Variants in SLC34A2 observed in about 807,000 individuals in gnomAD.
SLC34A2 encodes sodium-dependent phosphate transport protein 2B.
SLC34A2 carries 41 observed loss-of-function variants against 50.8 expected under a neutral mutation model. The ratio of observed to expected loss-of-function variants is 0.81; its 90% CI spans 0.63 to 1.05. The LOEUF (loss-of-function observed/expected upper bound fraction) is 1.05, where lower values mean the gene tolerates loss of function less well. Among genes scored for constraint, SLC34A2 ranks in the 50% least tolerant of loss-of-function variants. The pLI, the probability that SLC34A2 is intolerant of heterozygous loss-of-function variation, is 0.00. For synonymous variants in SLC34A2, 401 were observed against 364.2 expected, an observed-to-expected ratio of 1.10 and a Z score of -1.15; for missense variants, 879 against 876.7, an observed-to-expected ratio of 1.00 and a Z score of -0.03.
At chr4:25,675,507 A>G (rs1171123174) in intron 12 of SLC34A2, among the ~76,000 whole-genome samples, 2 of 152,270 alleles carry the variant, frequency 1.3e-5, no homozygotes, top group African/African-American at 4.8e-5. Flanking sequence ...AAATTCAGGC[A>G]TCTAATATAA....
intron 1 of SLC34A2, 88 bp from the exon 2 acceptor site, chr4:25,662,410 G>A: frequency 8.1e-7 from 1 of 1,228,982 alleles, no homozygotes. Flanking sequence ...CCCAGTTGAT[G>A]CTTTGCAACC....
chr4:25,661,937 A>G (rs1232999315), intron 1 of SLC34A2, among the ~76,000 whole-genome samples: 1 of 151,514 alleles, frequency 6.6e-6, no homozygotes, highest in African/African-American at 2.4e-5. Context: ...CAATGGCACA[A>G]TCTCAGCTCA....
At chr4:25,670,124 A>C (rs1389452827) in intron 7 of SLC34A2, among the ~76,000 whole-genome samples, 1 of 152,212 alleles carries the variant, frequency 6.6e-6, no homozygotes, top group Non-Finnish European at 1.5e-5. Context: ...GTGGGGGCTG[A>C]GAAAGGAGGA....
chr4:25,673,915 C>A (rs185099666), intron 10 of SLC34A2, among the ~76,000 whole-genome samples: 1 of 152,246 alleles, frequency 6.6e-6, no homozygotes, highest in African/African-American at 2.4e-5. Flanking sequence ...GCTACAGTTT[C>A]TTGATGCTCT....
At chr4:25,668,075 A>G in intron 6 of SLC34A2, 84 bp downstream of exon 6, 1 of 854,960 alleles carries the variant, frequency 1.2e-6, no homozygotes. Context: ...CCAGCCAAAG[A>G]TGACATGCTT....
rs2109048626 is a variant in SLC34A2 at position 25,662,743 on chromosome 4, C to T, written c.151C>T (p.Leu51=). The part of the protein sequence containing the change: ...TEAPVTKIEL[L]PSYSTATLID... ...GGCACCTGTAACCAAGATTGAACTTCTGCCGTCCTACTCCACGGCTACACT... is the reference window on the plus strand; with the variant it reads ...GGCACCTGTAACCAAGATTGAACTTTTGCCGTCCTACTCCACGGCTACACT... Residue 51 remains leucine, a synonymous_variant, in exon 3 of 13, where the codon CTG becomes TTG. Coordinates refer to ENST00000382051, the MANE Select transcript of SLC34A2 (RefSeq NM_006424.3). 2 of 1,614,164 alleles carry T rather than the reference C, an allele frequency of 1.2e-6. No homozygotes were observed. The highest frequency in any genetic ancestry group is 1.1e-5 in the South Asian group (1 of 91,086).
At position 25,666,160 on chromosome 4, in the gene SLC34A2, T is replaced by C; in HGVS notation, c.412T>C (p.Ser138Pro). 3.1e-6 allele frequency: 5 copies of C among 1,613,960 alleles called. No individual in the cohort carries two copies. The highest frequency in any genetic ancestry group is 4.2e-6 in the Non-Finnish European group (5 of 1,180,030). The change falls in exon 5 of 13, where the codon TCT becomes CCT. Residue 138 changes from serine (S) to proline (P), a missense_variant. Transcript: ENST00000382051. ...GGCAGGACAGTTCTTCAGCAACAGC[T>C]CTATTATGTCCAACCCTTTGTTGGG... ...KMAGQFFSNS[S>P]IMSNPLLGLV... is the part of the protein sequence containing the mutation.
intron 6 of SLC34A2, among the ~76,000 whole-genome samples, chr4:25,668,812 G>A (rs1181490554): frequency 6.6e-6 from 1 of 151,090 alleles, no homozygotes; most frequent in Non-Finnish European, 1.5e-5. Flanking sequence ...TGAAACTAGA[G>A]CAGGTAGAAT....
chr4:25,676,643 A>T lies in SLC34A2; in HGVS notation c.1967A>T (p.Asp656Val). 1 of 1,614,160 alleles carries T rather than the reference A, an allele frequency of 6.2e-7. No individual in the cohort carries two copies. The highest frequency in any genetic ancestry group is 1.3e-5 in the African/African-American group (1 of 75,058). Reference sequence around the variant, plus strand: ...TTGGAGGAGGCGCAGGAGGGGCAGGATGTCCCTGTCAAGGCTCCTGAGACC... The same window carrying T: ...TTGGAGGAGGCGCAGGAGGGGCAGGTTGTCCCTGTCAAGGCTCCTGAGACC... ...EDLEEAQEGQ[D>V]VPVKAPETFD... Residue 656 changes from aspartate (D) to valine (V), a missense_variant, in exon 13 of 13, where the codon GAT becomes GTT. By Grantham distance (152) the Asp-to-Val change is radical (BLOSUM62 -3). Coordinates refer to ENST00000382051, the MANE Select transcript of SLC34A2 (RefSeq NM_006424.3).
intron 9 of SLC34A2, among the ~76,000 whole-genome samples, chr4:25,672,440 GATT>G (rs1714868427): frequency 6.6e-6 from 1 of 152,150 alleles, no homozygotes; most frequent in Admixed American, 6.5e-5. Context: ...ATGATGCTCT[GATT>G]ATTAAGAAGC....
chr4:25,658,739 C>T (rs987497378), intron 1 of SLC34A2, among the ~76,000 whole-genome samples: 1 of 152,202 alleles, frequency 6.6e-6, no homozygotes, highest in African/African-American at 2.4e-5. Context: ...TTCTCCCTTC[C>T]TCTGCTGCTT....
chr4:25,668,070 C>T, intron 6 of SLC34A2, 79 bp downstream of exon 6: 1 of 869,814 alleles, frequency 1.1e-6, no homozygotes, highest in South Asian at 1.4e-5. Flanking sequence ...TTTAACCAGC[C>T]AAAGATGACA....
At chr4:25,676,110 A>T in intron 12 of SLC34A2, 25 bp from the exon 13 acceptor site, 1 of 1,613,162 alleles carries the variant, frequency 6.2e-7, no homozygotes, top group Non-Finnish European at 8.5e-7. Flanking sequence ...CAGGCCCCTC[A>T]CCTGTCCAAC....
chr4:25,661,855 G>A (rs1714201936), intron 1 of SLC34A2, among the ~76,000 whole-genome samples: 1 of 151,836 alleles, frequency 6.6e-6, no homozygotes, highest in Admixed American at 6.6e-5. Context: ...AGATGAATGG[G>A]CTTGCACCCT....
intron 10 of SLC34A2, 30 bp from the exon 11 acceptor site, chr4:25,674,266 G>T: frequency 6.3e-7 from 1 of 1,578,376 alleles, no homozygotes; most frequent in Non-Finnish European, 8.7e-7. Flanking sequence ...CCCCGGAGAG[G>T]CCATGACATC....
Position 25,677,922 on chromosome 4 carries a change from CTG to C in SLC34A2, c.*1175_*1176del, listed in dbSNP as rs1466493079. On this transcript the variant is annotated 3_prime_UTR_variant, in exon 13 of 13. Coordinates refer to ENST00000382051, the MANE Select transcript of SLC34A2 (RefSeq NM_006424.3). ...CAAAGCTCCAGATTTTTGGGGAAAGCTGTACCCAACTGGACTGCCCAGTGAAC... is the reference window on the plus strand; with the variant it reads ...CAAAGCTCCAGATTTTTGGGGAAAGCTACCCAACTGGACTGCCCAGTGAAC... The C allele has an allele frequency of 2.0e-5, 3 of 152,252 alleles. No homozygotes were observed. The highest frequency in any genetic ancestry group is 7.2e-5 in the African/African-American group (3 of 41,460). The allele number at this position is 152,252 out of a possible 1,614,324, so 9.4% of individuals were successfully genotyped here.
Position 25,674,357 on chromosome 4 carries a change from G to C in SLC34A2, c.1278G>C (p.Met426Ile). 1.2e-6 allele frequency: 2 copies of C among 1,614,164 alleles called. No individual in the cohort carries two copies. Among genetic ancestry groups the C allele is most frequent in the Non-Finnish European group, 1.7e-6 (2 of 1,180,038 alleles). The stretch of plus-strand genomic sequence containing the variant: ...TGGCCATCCTCGTCGGGGCAGGCAT[G>C]ACCTTCATCGTACAGAGCAGCTCTG... ...GYLAILVGAG[M>I]TFIVQSSSVF... Residue 426 changes from methionine (M) to isoleucine (I), a missense_variant, in exon 11 of 13, where the codon ATG becomes ATC. By Grantham distance (10) the Met-to-Ile change is conservative. Transcript: ENST00000382051.
rs140514938 is a variant in SLC34A2, at chr4:25,676,420, G to T, written c.1744G>T (p.Val582Phe). The T allele has an allele frequency of 6.2e-7, 1 of 1,613,872 alleles. No homozygotes were observed. The highest frequency in any genetic ancestry group is 1.3e-5 in the African/African-American group (1 of 74,910). The change falls in exon 13 of 13, where the codon GTC becomes TTC. Residue 582 changes from valine to phenylalanine, a missense_variant. Coordinates refer to ENST00000382051, the MANE Select transcript of SLC34A2 (RefSeq NM_006424.3). ...LRLLQSRCPR[V>F]LPKKLQNWNF... ...ACTCCTGCAGTCTCGCTGCCCACGC[G>T]TCCTGCCGAAGAAACTCCAGAACTG... is the stretch of plus-strand genomic sequence containing the variant.
Position 25,673,267 on chromosome 4 carries a change from C to T in SLC34A2, c.1216+13C>T, listed in dbSNP as rs753513670. The T allele has an allele frequency of 1.0e-5, 16 of 1,546,760 alleles. No individual in the cohort carries two copies. The highest frequency in any genetic ancestry group is 1.9e-4 in the Middle Eastern group (1 of 5,272). ...ACCATCAACACTGGTAGGTACACTG[C>T]CCTCACTTGTAGGCCTCACATGTAG... On this transcript the variant is annotated intron_variant, in intron 10 of 12. Transcript: ENST00000382051.
Sources: gnomAD v4.1 joint callset for allele counts (sites outside exome capture counted in the v4.1 genomes callset) on GRCh38, gnomAD v4.1.1 for gene constraint, MANE v1.5 for transcripts, NCBI Gene and HGNC (gene_info 2026-07-23, HGNC 2026-07-21) for gene names.